The following SLC25A48 variants were observed in gnomAD, a reference collection of about 807,000 sequenced individuals.
SLC25A48 encodes the protein solute carrier family 25 member 48.
In SLC25A48, 29 loss-of-function variants were observed where a neutral mutation model predicts 32.2. That is an observed-to-expected ratio of 0.90 (90% CI 0.67 to 1.23). The LOEUF is 1.23. Among genes scored for constraint, SLC25A48 ranks in the 50% most tolerant of loss-of-function variants. The pLI, the probability that SLC25A48 is intolerant of heterozygous loss-of-function variation, is 0.00. For synonymous variants in SLC25A48, 164 were observed against 172.3 expected (o/e 0.95, Z 0.38); for missense variants, 399 against 422.7 (o/e 0.94, Z 0.49).
chr5:135,881,305 C>T (rs1178684327), intron 7 of SLC25A48, among the ~76,000 whole-genome samples: 1 of 152,226 alleles, frequency 6.6e-6, no homozygotes, highest in Non-Finnish European at 1.5e-5. Flanking sequence ...CTGCTGCCTC[C>T]CCCGTGAGCT....
At chr5:135,695,529 T>A (rs1754245078) in intron 3 of SLC25A48, among the ~76,000 whole-genome samples, 1 of 152,164 alleles carries the variant, frequency 6.6e-6, no homozygotes, top group South Asian at 2.1e-4. Context: ...CTGCCCCTGG[T>A]ATGCCAAAAT....
chr5:135,871,338 G>A, intron 4 of SLC25A48, 123 bp from the exon 5 acceptor site: 1 of 1,205,138 alleles, frequency 8.3e-7, no homozygotes. Flanking sequence ...GGTCAGATTT[G>A]GTAAAAGCTG....
chr5:135,631,399 G>T (rs558828426), intron 2 of SLC25A48, among the ~76,000 whole-genome samples: 1 of 152,228 alleles, frequency 6.6e-6, no homozygotes, highest in Non-Finnish European at 1.5e-5. Context: ...ATATGGAGGC[G>T]GAGCCATGGC....
intron 3 of SLC25A48, chr5:135,649,546 A>G (rs753098339): frequency 6.6e-6 from 1 of 152,420 alleles, no homozygotes; most frequent in Non-Finnish European, 1.5e-5. Context: ...AGTGACTCAG[A>G]TGGGGTAGTC....
intron 1 of SLC25A48, among the ~76,000 whole-genome samples, chr5:135,597,354 G>C (rs775002278): frequency 6.6e-5 from 10 of 152,184 alleles, no homozygotes; most frequent in African/African-American, 9.7e-5. Flanking sequence ...AGGTTCCCAG[G>C]ACAATTCAGA....
At chr5:135,587,581 T>G (rs933202011) in intron 1 of SLC25A48, among the ~76,000 whole-genome samples, 1 of 152,188 alleles carries the variant, frequency 6.6e-6, no homozygotes, top group East Asian at 1.9e-4. Flanking sequence ...TGGCAGCTGA[T>G]GGAGGAGAAC....
At chr5:135,614,703 T>C (rs1752146940) in intron 1 of SLC25A48, among the ~76,000 whole-genome samples, 1 of 152,228 alleles carries the variant, frequency 6.6e-6, no homozygotes, top group Non-Finnish European at 1.5e-5. Context: ...ATTTTGTATA[T>C]TGAATTATCC....
At chr5:135,716,065 C>A (rs1300360570) in intron 3 of SLC25A48, among the ~76,000 whole-genome samples, 1 of 152,198 alleles carries the variant, frequency 6.6e-6, no homozygotes, top group Non-Finnish European at 1.5e-5. Flanking sequence ...CTTTGTGGTA[C>A]CTGCAGCTTG....
chr5:135,750,725 C>T (rs1755751302), intron 3 of SLC25A48, among the ~76,000 whole-genome samples: 1 of 152,106 alleles, frequency 6.6e-6, no homozygotes, highest in Admixed American at 6.6e-5. Context: ...GCACACATGA[C>T]CTCAATTCTT....
intron 3 of SLC25A48, among the ~76,000 whole-genome samples, chr5:135,757,039 T>G (rs1755929652): frequency 6.7e-6 from 1 of 150,280 alleles, no homozygotes. Flanking sequence ...TAATAAAATA[T>G]GTATATGATA....
intron 3 of SLC25A48, among the ~76,000 whole-genome samples, chr5:135,758,783 TATC>T (rs1245960983): frequency 6.6e-6 from 1 of 150,768 alleles, no homozygotes; most frequent in African/African-American, 2.4e-5. Flanking sequence ...GACGTTAATA[TATC>T]ATCTGTGCTA....
At chr5:135,730,662 G>A (rs4579256) in intron 3 of SLC25A48, among the ~76,000 whole-genome samples, 44,794 of 152,116 alleles carry the variant, frequency 0.29, 6,722 homozygotes, top group East Asian at 0.48. Flanking sequence ...AGAGGTTGGA[G>A]TAGTTTGGAG....
At chr5:135,808,975 G>A (rs991284078) in intron 3 of SLC25A48, among the ~76,000 whole-genome samples, 3 of 152,082 alleles carry the variant, frequency 2.0e-5, no homozygotes, top group Non-Finnish European at 4.4e-5. Context: ...ACTCCCACCA[G>A]CCAAAGAGGG....
intron 1 of SLC25A48, among the ~76,000 whole-genome samples, chr5:135,623,200 T>C (rs577257060): frequency 6.6e-6 from 1 of 152,380 alleles, no homozygotes; most frequent in African/African-American, 2.4e-5. Flanking sequence ...GACTCTAGTA[T>C]GAGACTTTTA....
chr5:135,583,425 C>A (rs987541259), intron 1 of SLC25A48, among the ~76,000 whole-genome samples: 1 of 151,930 alleles, frequency 6.6e-6, no homozygotes, highest in Non-Finnish European at 1.5e-5. Context: ...AGCTGGGATC[C>A]AGGGCAATTC....
intron 3 of SLC25A48, among the ~76,000 whole-genome samples, chr5:135,749,406 G>A (rs1755718402): frequency 1.3e-5 from 2 of 151,794 alleles, no homozygotes; most frequent in Non-Finnish European, 2.9e-5. Flanking sequence ...TCCATCCCTA[G>A]TATTGGGAGC....
At chr5:135,868,799 A>G (rs1181998654) in intron 4 of SLC25A48, among the ~76,000 whole-genome samples, 1 of 152,214 alleles carries the variant, frequency 6.6e-6, no homozygotes, top group Non-Finnish European at 1.5e-5. Context: ...TTTTTGCAAC[A>G]TCTGCACCTC....
chr5:135,846,173 A>ACTC (rs1286121093), intron 2 of SLC25A48, among the ~76,000 whole-genome samples: 32 of 152,296 alleles, frequency 2.1e-4, no homozygotes, highest in Non-Finnish European at 3.1e-4. Context: ...TCTTTATGAG[A>ACTC]ATCTGATGCC....
intron 3 of SLC25A48, among the ~76,000 whole-genome samples, chr5:135,655,963 T>C (rs1174752579): frequency 2.6e-5 from 4 of 152,172 alleles, no homozygotes; most frequent in Non-Finnish European, 4.4e-5. Context: ...CTGACATGCA[T>C]GATTGCCCTC....
Sources: gnomAD v4.1 joint callset for allele counts (sites outside exome capture counted in the v4.1 genomes callset) on GRCh38, gnomAD v4.1.1 for gene constraint, MANE v1.5 for transcripts, NCBI Gene and HGNC (gene_info 2026-07-23, HGNC 2026-07-21) for gene names.